Variants in DRAM2 observed in about 807,000 individuals in gnomAD.
DRAM2 encodes DNA damage regulated autophagy modulator 2.
Under a neutral mutation model 33.5 loss-of-function variants are expected in DRAM2, and 26 were observed. The observed-to-expected ratio is 0.78, with a 90% confidence interval of 0.57 to 1.08. The LOEUF (loss-of-function observed/expected upper bound fraction) is 1.08, where lower values mean the gene tolerates loss of function less well. Ranked by LOEUF, DRAM2 falls within the 50% of genes least tolerant of loss-of-function variation. DRAM2 has a pLI of 0.00. For synonymous variants in DRAM2, 98 were observed against 109.5 expected (o/e 0.89, Z 0.66); for missense variants, 311 against 318.1 (o/e 0.98, Z 0.17).
intron 3 of DRAM2, among the ~76,000 whole-genome samples, chr1:111,137,287 T>C (rs1571077203): frequency 6.7e-6 from 1 of 150,156 alleles, no homozygotes; most frequent in South Asian, 2.1e-4. Context: ...TCCATGATTG[T>C]GGAAAAGTTC....
At chr1:111,137,811 T>C (rs1653552459) in intron 2 of DRAM2, among the ~76,000 whole-genome samples, 1 of 152,204 alleles carries the variant, frequency 6.6e-6, no homozygotes, top group Admixed American at 6.5e-5. Context: ...TAAATTTTCA[T>C]ATGCATTCTC....
intron 3 of DRAM2, among the ~76,000 whole-genome samples, chr1:111,135,249 T>G (rs1485426961): frequency 1.3e-5 from 2 of 152,188 alleles, no homozygotes; most frequent in Admixed American, 1.3e-4. Context: ...ACCATTTACC[T>G]CAACTACCAT....
At chr1:111,133,527 A>C (rs1652560108) in intron 3 of DRAM2, among the ~76,000 whole-genome samples, 1 of 152,166 alleles carries the variant, frequency 6.6e-6, no homozygotes, top group Non-Finnish European at 1.5e-5. Context: ...CTTGGTTCTC[A>C]ATTCTTTGCT....
intron 4 of DRAM2, among the ~76,000 whole-genome samples, chr1:111,127,046 C>T (rs1295997797): frequency 6.6e-6 from 1 of 152,158 alleles, no homozygotes; most frequent in Non-Finnish European, 1.5e-5. Context: ...TTAGGTTCAT[C>T]CTTTTATCTC....
At chr1:111,131,702 C>T in intron 3 of DRAM2, 134 bp from the exon 4 acceptor site, 1 of 757,590 alleles carries the variant, frequency 1.3e-6, no homozygotes, top group East Asian at 2.7e-5. Context: ...CATGCCATAC[C>T]CCAATACTCG....
rs1300513009 is a variant in DRAM2, at chr1:111,126,310, G to A, written c.132-16C>T. The A allele has an allele frequency of 4.5e-6, 7 of 1,550,950 alleles. No individual in the cohort carries two copies. The highest frequency in any genetic ancestry group is 1.4e-5 in the African/African-American group (1 of 72,708). On this transcript the variant is annotated splice_polypyrimidine_tract_variant and intron_variant, in intron 4 of 9. Coordinates refer to ENST00000484310, the MANE Select transcript of DRAM2 (RefSeq NM_001349884.2). ...ACCAGTGTCACTGAAAGAAAAAAAG[G>A]AAGGTATGTGGATTTCTCATACTAG... is the stretch of plus-strand genomic sequence containing the variant.
chr1:111,132,312 T>A (rs1652265439), intron 3 of DRAM2, among the ~76,000 whole-genome samples: 1 of 152,206 alleles, frequency 6.6e-6, no homozygotes, highest in Non-Finnish European at 1.5e-5. Flanking sequence ...CCTTTCCATA[T>A]CCCTTGCCTT....
intron 6 of DRAM2, chr1:111,122,639 T>A (rs948842014): frequency 6.6e-6 from 1 of 151,568 alleles, no homozygotes; most frequent in African/African-American, 2.4e-5. Context: ...TAGTAAACGT[T>A]TACTCTGGAA....
In DRAM2 at chr1:111,126,298, A is replaced by G. The variant is rs1317558153; in HGVS notation, c.132-4T>C. ...TGGAGCTACTGTACCAGTGTCACTG[A>G]AAGAAAAAAAGGAAGGTATGTGGAT... On this transcript the variant is annotated splice_region_variant and splice_polypyrimidine_tract_variant and intron_variant, in intron 4 of 9. Transcript: ENST00000484310. 1.0e-5 allele frequency: 16 copies of G among 1,594,440 alleles called. No homozygotes were observed. The highest frequency in any genetic ancestry group is 1.2e-5 in the Non-Finnish European group (14 of 1,164,486).
intron 4 of DRAM2, among the ~76,000 whole-genome samples, chr1:111,128,922 A>C (rs967523323): frequency 4.6e-5 from 7 of 152,226 alleles, no homozygotes; most frequent in African/African-American, 9.6e-5. Context: ...CGGAGTTACT[A>C]AAGAATGGTG....
chr1:111,118,678 T>C (rs1045531551), intron 9 of DRAM2, 127 bp downstream of exon 9: 8 of 628,670 alleles, frequency 1.3e-5, no homozygotes, highest in Non-Finnish European at 1.9e-5. Flanking sequence ...TTGTTTATGA[T>C]ACCAAATCAC....
Position 111,124,838 on chromosome 1 carries a change from C to CA in DRAM2, c.242dup (p.Ser82GlufsTer3). On this transcript the variant is annotated frameshift_variant, in exon 6 of 10. Coordinates refer to ENST00000484310, the MANE Select transcript of DRAM2 (RefSeq NM_001349884.2). LOFTEE classifies it high-confidence loss of function. ...TGATGATAACGTTCTCTTCAGGACT[C>CA]AGAGCATGAACTTGCTTATAACGAA... is the stretch of plus-strand genomic sequence containing the variant. 3 of 1,613,334 alleles carry CA rather than the reference C, an allele frequency of 1.9e-6. No homozygotes were observed. The highest frequency in any genetic ancestry group is 2.5e-6 in the Non-Finnish European group (3 of 1,179,646).
At chr1:111,124,960 T>C (rs1650717126) in intron 5 of DRAM2, 79 bp from the exon 6 acceptor site, 2 of 1,228,776 alleles carry the variant, frequency 1.6e-6, no homozygotes, top group Admixed American at 4.4e-5. Flanking sequence ...TTCACAAAGG[T>C]CACTGCTATC....
At chr1:111,120,789 C>T in intron 6 of DRAM2, 96 bp from the exon 7 acceptor site, 1 of 1,121,612 alleles carries the variant, frequency 8.9e-7, no homozygotes, top group Non-Finnish European at 1.2e-6. Context: ...TTCAATAGGA[C>T]ATTCACTGAG....
chr1:111,125,236 G>GA (rs1468915297), intron 5 of DRAM2: 1 of 166,484 alleles, frequency 6.0e-6, no homozygotes, highest in Non-Finnish European at 1.3e-5. Context: ...TCCCTCCAGT[G>GA]ACTAAGCAAA....
intron 6 of DRAM2, 46 bp downstream of exon 6, chr1:111,124,696 A>G (rs757641810): frequency 1.3e-6 from 2 of 1,596,584 alleles, no homozygotes; most frequent in Non-Finnish European, 1.7e-6. Context: ...TAATATATAT[A>G]TTTATGTACT....
At chr1:111,131,012 CAAA>C (rs577061352) in intron 4 of DRAM2, among the ~76,000 whole-genome samples, 1 of 136,902 alleles carries the variant, frequency 7.3e-6, no homozygotes, top group Non-Finnish European at 1.6e-5. Context: ...ACTCCATCTC[CAAA>C]AAAAAAAAGA....
chr1:111,118,305 C>T lies in DRAM2; in HGVS notation c.694-38G>A. The stretch of plus-strand genomic sequence containing the variant: ...AGAAAATTATATATAGAAGTTTGCT[C>T]CTTAAAGAGAGATCACTCCTTCAAT... On this transcript the variant is annotated intron_variant, in intron 9 of 9. Coordinates refer to ENST00000484310, the MANE Select transcript of DRAM2 (RefSeq NM_001349884.2). The T allele has an allele frequency of 3.5e-6, 5 of 1,433,152 alleles. No individual in the cohort carries two copies. The South Asian group carries it at 6.0e-5, about 17-fold the overall frequency. 88.8% of individuals were successfully genotyped at this position (1,433,152 alleles called of 1,614,324 possible). A position where few individuals can be genotyped will look rare whatever the true frequency, so the allele number is the denominator to read the frequency against.
chr1:111,124,693 T>C (rs1650639017), intron 6 of DRAM2, 49 bp downstream of exon 6: 2 of 1,587,892 alleles, frequency 1.3e-6, no homozygotes, highest in African/African-American at 1.4e-5. Context: ...TTTTAATATA[T>C]ATATTTATGT....
Sources: gnomAD v4.1 joint callset for allele counts (sites outside exome capture counted in the v4.1 genomes callset) on GRCh38, gnomAD v4.1.1 for gene constraint, MANE v1.5 for transcripts, NCBI Gene and HGNC (gene_info 2026-07-23, HGNC 2026-07-21) for gene names.